The following TENM3 variants were observed in gnomAD, a reference collection of about 807,000 sequenced individuals.
The protein encoded by TENM3 is teneurin-3.
TENM3 carries 63 observed loss-of-function variants against 255.1 expected under a neutral mutation model. The observed-to-expected ratio is 0.25, with a 90% CI of 0.20 to 0.30. TENM3 has a LOEUF of 0.30. TENM3 is among the 10% of genes least tolerant of loss of function. TENM3 has a pLI of 1.00. For missense variants in TENM3, 2,929 were observed against 3,461.1 expected, an observed-to-expected ratio of 0.85 and a Z score of 3.86; for synonymous variants, 1,306 against 1,322.3, an observed-to-expected ratio of 0.99 and a Z score of 0.27.
At chr4:182,550,127 T>C (rs1244906590) in intron 3 of TENM3, among the ~76,000 whole-genome samples, 1 of 152,208 alleles carries the variant, frequency 6.6e-6, no homozygotes, top group Non-Finnish European at 1.5e-5. Flanking sequence ...CATAAAATTA[T>C]GTGGAAAGTT....
chr4:182,017,890 G>T, the TENM3 span, among the ~76,000 whole-genome samples: 1 of 152,138 alleles, frequency 6.6e-6, no homozygotes, highest in Non-Finnish European at 1.5e-5. Context: ...TAATTTATTG[G>T]CAATGTCTTT....
chr4:182,733,118 T>G (rs1760903142), intron 16 of TENM3, among the ~76,000 whole-genome samples: 1 of 152,116 alleles, frequency 6.6e-6, no homozygotes, highest in Admixed American at 6.5e-5. Context: ...GGACAGTGGA[T>G]AGAGGTATGA....
chr4:182,684,800 G>A (rs775500083), intron 11 of TENM3, among the ~76,000 whole-genome samples: 6 of 152,216 alleles, frequency 3.9e-5, no homozygotes, highest in Non-Finnish European at 7.3e-5. Flanking sequence ...AAATGTGAAA[G>A]TTATGAAATG....
At chr4:182,174,691 A>T (rs530376196) in intron 1 of TENM3, among the ~76,000 whole-genome samples, 61 of 152,256 alleles carry the variant, frequency 4.0e-4, no homozygotes, top group African/African-American at 1.4e-3. Flanking sequence ...GAAACTGGAG[A>T]ACTCTAGTCC....
the TENM3 span, among the ~76,000 whole-genome samples, chr4:181,582,684 AAAGAAAG>A: frequency 7.2e-6 from 1 of 139,848 alleles, no homozygotes; most frequent in East Asian, 2.1e-4. Context: ...AAAAAAAAAA[AAAGAAAG>A]AAAGAAAAGA....
At chr4:182,728,019 C>A (rs1003618831) in intron 13 of TENM3, among the ~76,000 whole-genome samples, 1 of 151,920 alleles carries the variant, frequency 6.6e-6, no homozygotes, top group African/African-American at 2.4e-5. Flanking sequence ...TGTCACCCCG[C>A]CTGGCTAATT....
At chr4:182,134,451 C>T in the TENM3 span, among the ~76,000 whole-genome samples, 2 of 152,174 alleles carry the variant, frequency 1.3e-5, no homozygotes, top group African/African-American at 4.8e-5. Flanking sequence ...TCTCTCACTG[C>T]CAATTTCCTC....
At chr4:181,680,391 CAAAA>C in the TENM3 span, among the ~76,000 whole-genome samples, 1 of 151,876 alleles carries the variant, frequency 6.6e-6, no homozygotes, top group Non-Finnish European at 1.5e-5. Flanking sequence ...TTTAATTTGT[CAAAA>C]AAATTGTAAG....
chr4:181,574,545 A>G, the TENM3 span, among the ~76,000 whole-genome samples: 1 of 152,160 alleles, frequency 6.6e-6, no homozygotes, highest in Non-Finnish European at 1.5e-5. Flanking sequence ...CTCAAAAAAA[A>G]AAAAAAAATG....
chr4:181,932,141 T>C, the TENM3 span, among the ~76,000 whole-genome samples: 1 of 152,046 alleles, frequency 6.6e-6, no homozygotes, highest in Non-Finnish European at 1.5e-5. Context: ...CCAAAAGCAA[T>C]GGCAACAAAA....
chr4:182,097,012 A>G, the TENM3 span, among the ~76,000 whole-genome samples: 2 of 152,160 alleles, frequency 1.3e-5, no homozygotes, highest in East Asian at 1.9e-4. Flanking sequence ...AAACCTCAAG[A>G]AAGTTATTAC....
At chr4:182,040,849 GT>G in the TENM3 span, among the ~76,000 whole-genome samples, 1 of 151,900 alleles carries the variant, frequency 6.6e-6, no homozygotes, top group African/African-American at 2.4e-5. Flanking sequence ...TTCGTTTTTT[GT>G]TTCTTAATGT....
At chr4:181,634,436 T>A in the TENM3 span, among the ~76,000 whole-genome samples, 1 of 151,450 alleles carries the variant, frequency 6.6e-6, no homozygotes, top group African/African-American at 2.4e-5. Flanking sequence ...TAGCCATTTA[T>A]CATCAAGGGG....
At chr4:182,297,426 G>T (rs1761564205) in intron 1 of TENM3, among the ~76,000 whole-genome samples, 1 of 152,212 alleles carries the variant, frequency 6.6e-6, no homozygotes, top group African/African-American at 2.4e-5. Flanking sequence ...GGAAGGTGCT[G>T]CTTTTTGAAT....
At chr4:181,714,544 T>C in the TENM3 span, among the ~76,000 whole-genome samples, 1 of 152,168 alleles carries the variant, frequency 6.6e-6, no homozygotes, top group Non-Finnish European at 1.5e-5. Flanking sequence ...TCCTATCCTA[T>C]AGGTGGTTTG....
chr4:181,717,662 A>G, the TENM3 span, among the ~76,000 whole-genome samples: 1 of 152,232 alleles, frequency 6.6e-6, no homozygotes, highest in Non-Finnish European at 1.5e-5. Context: ...ACAGTAACCT[A>G]GAAATGTCCA....
At chr4:182,054,044 T>C in the TENM3 span, among the ~76,000 whole-genome samples, 4 of 152,232 alleles carry the variant, frequency 2.6e-5, no homozygotes, top group East Asian at 5.8e-4. Context: ...CTCCCTTACC[T>C]AAAGAATCAA....
intron 19 of TENM3, among the ~76,000 whole-genome samples, chr4:182,749,994 A>AAC (rs1402332965): frequency 3.9e-5 from 6 of 152,004 alleles, no homozygotes; most frequent in Non-Finnish European, 7.4e-5. Context: ...AAAAAAAAAA[A>AAC]ACCTCTAAAA....
the TENM3 span, among the ~76,000 whole-genome samples, chr4:181,693,198 G>A: frequency 3.9e-5 from 6 of 152,200 alleles, no homozygotes; most frequent in Non-Finnish European, 7.3e-5. Flanking sequence ...AACTGAAAGC[G>A]ATCTGTAAAG....
Sources: gnomAD v4.1 joint callset for allele counts (sites outside exome capture counted in the v4.1 genomes callset) on GRCh38, gnomAD v4.1.1 for gene constraint, MANE v1.5 for transcripts, NCBI Gene and HGNC (gene_info 2026-07-23, HGNC 2026-07-21) for gene names.